EMG1: variants seen among roughly 807,000 people sequenced by gnomAD.
The protein encoded by EMG1 is ribosomal RNA small subunit methyltransferase NEP1.
In EMG1, 24 loss-of-function variants were observed where a neutral mutation model predicts 26.9. The observed-to-expected ratio is 0.89, with a 90% CI of 0.65 to 1.26. EMG1 has a LOEUF of 1.26. EMG1 is among the 50% of genes most tolerant of loss of function. The probability of loss-of-function intolerance (pLI) is 0.00; values close to 1 mark genes in which losing one functional copy is unlikely to be tolerated. For missense variants in EMG1, 299 were observed against 307.6 expected (o/e 0.97, Z 0.21); for synonymous variants, 140 against 112.6 (o/e 1.24, Z -1.54).
In EMG1 at chr12:6,978,269, AC is replaced by A. The variant is rs1180564190; in HGVS notation, c.*2464del. 6.6e-7 allele frequency: 1 copy of A among 1,518,668 alleles called. No homozygotes were observed. Among genetic ancestry groups the A allele is most frequent in the Admixed American group, 2.0e-5 (1 of 49,960 alleles). 94.1% of individuals were successfully genotyped at this position (1,518,668 alleles called of 1,614,324 possible). A position where few individuals can be genotyped will look rare whatever the true frequency, so the allele number is the denominator to read the frequency against. On this transcript the variant is annotated 3_prime_UTR_variant, in exon 6 of 6. Coordinates refer to ENST00000599672, the MANE Select transcript of EMG1 (RefSeq NM_006331.8). Reference sequence around the variant, plus strand: ...AAGACGCATAGGGGTGACATGGTACACCCCTGCCCTCCAATCTGGGAAGACA... The same window carrying A: ...AAGACGCATAGGGGTGACATGGTACACCCTGCCCTCCAATCTGGGAAGACA...
intron 6 of EMG1, among the ~76,000 whole-genome samples, chr12:6,985,605 C>T (rs1946516162): frequency 6.6e-6 from 1 of 151,530 alleles, no homozygotes; most frequent in Non-Finnish European, 1.5e-5. Context: ...ATCCCAGCTA[C>T]TCGGGAGGCT....
At chr12:6,974,917 C>A in intron 3 of EMG1, 173 bp from the exon 4 acceptor site, 2 of 820,048 alleles carry the variant, frequency 2.4e-6, no homozygotes, top group Non-Finnish European at 2.0e-6. Context: ...GAACCCATCA[C>A]TGTACAGCTA....
In EMG1 at chr12:6,976,910, T is replaced by C. The variant is rs1946410132; in HGVS notation, c.*1101T>C. 2.1e-6 allele frequency: 1 copy of C among 485,026 alleles called. No homozygotes were observed. The highest frequency in any genetic ancestry group is 3.8e-6 in the Non-Finnish European group (1 of 264,854). 30.0% of individuals were successfully genotyped at this position (485,026 alleles called of 1,614,324 possible). A position where few individuals can be genotyped will look rare whatever the true frequency, so the allele number is the denominator to read the frequency against. ...AGGCCACCTGCAAGACAAGAGGAGTTTGGAAGGCTGGTTAGTTACTCCTGT... is the reference window on the plus strand; with the variant it reads ...AGGCCACCTGCAAGACAAGAGGAGTCTGGAAGGCTGGTTAGTTACTCCTGT... On this transcript the variant is annotated 3_prime_UTR_variant, in exon 6 of 6. Coordinates refer to ENST00000599672, the MANE Select transcript of EMG1 (RefSeq NM_006331.8).
At chr12:6,974,730 C>A in intron 3 of EMG1, 37 bp downstream of exon 3, 1 of 1,610,676 alleles carries the variant, frequency 6.2e-7, no homozygotes, top group South Asian at 1.1e-5. Context: ...ATGAACTTGT[C>A]AGTAGGGAAG....
chr12:6,977,555 C>T lies in EMG1; in HGVS notation c.*1746C>T, dbSNP rs1555153441. ...GGAGGGAGGAGGAGCTCATCAGCAT[C>T]TTGTCCCTTATATTCCCCTTCACCC... On this transcript the variant is annotated 3_prime_UTR_variant, in exon 6 of 6. Transcript: ENST00000599672. This position sits in a 1 kb window ranked among gnomAD's most constrained non-coding sequence, Gnocchi z 4.5. The T allele has an allele frequency of 1.2e-6, 2 of 1,614,150 alleles. No individual in the cohort carries two copies.
chr12:6,989,365 A>G (rs1326510289), downstream of EMG1, among the ~76,000 whole-genome samples: 3 of 141,716 alleles, frequency 2.1e-5, no homozygotes, highest in East Asian at 2.1e-4. Context: ...GCTGGAGTGC[A>G]GTGGTGCAAT....
At chr12:6,989,081 C>A (rs185293613), downstream of EMG1, among the ~76,000 whole-genome samples, 107 of 151,822 alleles carry the variant, frequency 7.0e-4, no homozygotes, top group Admixed American at 2.0e-3. Context: ...CGAGATCACG[C>A]CATTGCACTC....
In EMG1 at chr12:6,987,269, C is replaced by A. The variant is rs994305830; in HGVS notation, c.*155-513C>A. Among the ~76,000 whole-genome samples the A allele has an allele frequency of 1.3e-5, 2 of 152,114 alleles. No individual in the cohort carries two copies. Among genetic ancestry groups the A allele is most frequent in the Non-Finnish European group, 2.9e-5 (2 of 68,040 alleles). ...TCATTCACCAAGTGTTTAGTAAATG[C>A]CTGCTATATGCCAGGTATTCTGTTT... On this transcript the variant is annotated intron_variant and NMD_transcript_variant, in intron 6 of 7. Transcript: ENST00000261406. This position sits in a 1 kb window ranked among gnomAD's most constrained non-coding sequence, Gnocchi z 4.1.
chr12:6,979,732 A>G lies in EMG1; in HGVS notation c.*3923A>G. ...TGCTGCCCAAAGTGTTTCCTGTTTC[A>G]GGGAAAGATTTCTATGGCTGGCTAT... On this transcript the variant is annotated 3_prime_UTR_variant, in exon 6 of 6. Transcript: ENST00000599672. 1.6e-6 allele frequency: 1 copy of G among 622,314 alleles called. No individual in the cohort carries two copies. Among genetic ancestry groups the G allele is most frequent in the East Asian group, 2.7e-5 (1 of 36,442 alleles). The allele number at this position is 622,314 out of a possible 1,614,324, so 38.5% of individuals were successfully genotyped here.
intron 7 of EMG1, among the ~76,000 whole-genome samples, chr12:6,994,409 T>C (rs992158244): frequency 6.6e-6 from 1 of 152,182 alleles, no homozygotes; most frequent in Admixed American, 6.5e-5. Context: ...GGTTTCTCCA[T>C]GTTGGCCAGG....
At chr12:6,993,430 C>T (rs1946607201) in intron 7 of EMG1, among the ~76,000 whole-genome samples, 2 of 151,148 alleles carry the variant, frequency 1.3e-5, no homozygotes, top group South Asian at 4.2e-4. Context: ...GAGACTCCAT[C>T]TCAAAAAGAA....
chr12:6,984,913 T>G (rs1946506369), downstream of EMG1, among the ~76,000 whole-genome samples: 1 of 152,188 alleles, frequency 6.6e-6, no homozygotes, highest in African/African-American at 2.4e-5. Context: ...TTTTAAATTA[T>G]GTAACTGCAG....
At chr12:6,974,908 A>G in intron 3 of EMG1, 182 bp from the exon 4 acceptor site, 1 of 805,642 alleles carries the variant, frequency 1.2e-6, no homozygotes, top group Non-Finnish European at 2.0e-6. Flanking sequence ...AGGGAGTCTG[A>G]ACCCATCACT....
downstream of EMG1, chr12:6,981,054 C>T: frequency 6.2e-7 from 1 of 1,612,332 alleles, no homozygotes; most frequent in Non-Finnish European, 8.5e-7. Flanking sequence ...GCACCAGCTT[C>T]ATGTAGTGAT....
rs1555152723 is a variant in EMG1 at position 6,974,416 on chromosome 12, A to G, written c.246A>G (p.Glu82=). ...ILLKNGRDPG[E]ARPDITHQSL... ...TGAAGAATGGACGGGACCCTGGGGA[A>G]GCGCGGCCAGATATCACCCACCAGG... is the stretch of plus-strand genomic sequence containing the variant. The change falls in exon 2 of 6, where the codon GAA becomes GAG. Residue 82 remains glutamate, a synonymous_variant. Coordinates refer to ENST00000599672, the MANE Select transcript of EMG1 (RefSeq NM_006331.8). 3 of 1,613,740 alleles carry G rather than the reference A, an allele frequency of 1.9e-6. No homozygotes were observed. Among genetic ancestry groups the G allele is most frequent in the Non-Finnish European group, 2.5e-6 (3 of 1,179,702 alleles).
At chr12:6,981,582 A>G, downstream of EMG1, 1 of 1,613,822 alleles carries the variant, frequency 6.2e-7, no homozygotes, top group South Asian at 1.1e-5. Context: ...TCTGCCGATG[A>G]ATGGGTACTT....
intron 1 of EMG1, among the ~76,000 whole-genome samples, chr12:6,971,457 G>C (rs1555152266): frequency 6.6e-6 from 1 of 151,920 alleles, no homozygotes; most frequent in Non-Finnish European, 1.5e-5. Context: ...TGTATTTTTA[G>C]TTCAGATGGG....
At chr12:6,993,872 A>G (rs1372659535) in intron 7 of EMG1, among the ~76,000 whole-genome samples, 2 of 152,164 alleles carry the variant, frequency 1.3e-5, no homozygotes, top group Non-Finnish European at 2.9e-5. Flanking sequence ...TCAGCTTCCC[A>G]AAGTGCTAGG....
chr12:6,980,231 T>TG (rs782774145), downstream of EMG1, among the ~76,000 whole-genome samples: 3 of 151,882 alleles, frequency 2.0e-5, no homozygotes, highest in Non-Finnish European at 4.4e-5. Flanking sequence ...TTTGTAGAGA[T>TG]GGGGTCTCAC....
Sources: gnomAD v4.1 joint callset for allele counts (sites outside exome capture counted in the v4.1 genomes callset) on GRCh38, gnomAD v4.1.1 for gene constraint, Gnocchi (gnomAD v3.1) non-coding constraint, MANE v1.5 for transcripts, NCBI Gene and HGNC (gene_info 2026-07-23, HGNC 2026-07-21) for gene names.